Variants in TMCC3 observed in about 807,000 individuals in gnomAD.
TMCC3 encodes transmembrane and coiled-coil domain protein 3.
TMCC3 carries 28 observed loss-of-function variants against 40.2 expected under a neutral mutation model. That is an observed-to-expected ratio of 0.70 (90% CI 0.52 to 0.95). TMCC3 has a LOEUF of 0.95. Ranked by LOEUF, TMCC3 falls within the 40% of genes least tolerant of loss-of-function variation. TMCC3 has a pLI of 0.00. For synonymous variants in TMCC3, 255 were observed against 248.5 expected (o/e 1.03, Z -0.25); for missense variants, 554 against 615.2 (o/e 0.90, Z 1.05).
rs753311029 is a variant in TMCC3, at chr12:94,650,376, G to C, written c.55C>G (p.Arg19Gly). The C allele has an allele frequency of 7.4e-7, 1 of 1,342,470 alleles. No homozygotes were observed. The highest frequency in any genetic ancestry group is 9.6e-7 in the Non-Finnish European group (1 of 1,040,268). 83.2% of individuals were successfully genotyped at this position (1,342,470 alleles called of 1,614,324 possible). A position where few individuals can be genotyped will look rare whatever the true frequency, so the allele number is the denominator to read the frequency against. ...ACCCGGCTCTTGCAGCGGTGGTGCC[G>C]GCCGGGGTACGAGTAGGTCCGGTCC... Reference protein sequence around the residue: ...TVDRTYSYPGRHHRCKSRVER... With the variant: ...TVDRTYSYPGGHHRCKSRVER... Residue 19 changes from arginine to glycine, a missense_variant, in exon 1 of 4, where the codon CGG becomes GGG. By Grantham distance (125) the Arg-to-Gly change is moderately radical (BLOSUM62 -2). Coordinates refer to ENST00000261226, the MANE Select transcript of TMCC3 (RefSeq NM_020698.4).
At chr12:94,608,324 CT>C (rs1180565689) in intron 1 of TMCC3, among the ~76,000 whole-genome samples, 1 of 152,178 alleles carries the variant, frequency 6.6e-6, no homozygotes, top group African/African-American at 2.4e-5. Flanking sequence ...TCCAACTGTT[CT>C]TGTTCCCACC....
At chr12:94,601,784 G>GGGTGAC (rs1192294373) in intron 1 of TMCC3, among the ~76,000 whole-genome samples, 1 of 137,258 alleles carries the variant, frequency 7.3e-6, no homozygotes, top group Non-Finnish European at 1.5e-5. Context: ...ACTCCAGCCT[G>GGGTGAC]GGTGACAGAG....
At chr12:94,631,057 C>A (rs1164474534) in intron 1 of TMCC3, among the ~76,000 whole-genome samples, 1 of 152,150 alleles carries the variant, frequency 6.6e-6, no homozygotes, top group Admixed American at 6.5e-5. Context: ...TGTTTTCAAT[C>A]AACATAAAAG....
In TMCC3 at chr12:94,571,561, G is replaced by A. The variant is rs1389341567; in HGVS notation, c.1308C>T (p.Val436=). ...GGCAGCGACTCTTCATCATGGGTGA[G>A]ACGAACTTCGCGATGGTGGACACAC... ...LVCVSTIAKF[V]SPMMKSRCHI... is the part of the protein sequence containing the mutation. The change falls in exon 4 of 4, where the codon GTC becomes GTT. Residue 436 remains valine, a synonymous_variant. Transcript: ENST00000261226. The A allele has an allele frequency of 1.2e-6, 2 of 1,614,072 alleles. No homozygotes were observed. The highest frequency in any genetic ancestry group is 2.7e-5 in the African/African-American group (2 of 74,922).
Position 94,606,511 on chromosome 12 carries a change from T to TTC in TMCC3, c.79-23974_79-23973insGA, listed in dbSNP as rs368320443. 1.2e-3 allele frequency among the ~76,000 whole-genome samples: 177 copies of TTC among 152,052 alleles called. 1 individual carries two copies. The highest frequency in any genetic ancestry group is 4.1e-3 in the African/African-American group (168 of 41,478). On this transcript the variant is annotated intron_variant, in intron 1 of 3. Coordinates refer to ENST00000261226, the MANE Select transcript of TMCC3 (RefSeq NM_020698.4). ...CCTCCTGAGTATGTGGGACTACAGG[T>TTC]GTACACCACCATGCCTGGCTAATTT...
chr12:94,643,282 G>A (rs2069001043), intron 1 of TMCC3, among the ~76,000 whole-genome samples: 1 of 152,150 alleles, frequency 6.6e-6, no homozygotes, highest in African/African-American at 2.4e-5. Flanking sequence ...TGTTCTGCAG[G>A]GGACACAAGA....
intron 1 of TMCC3, 136 bp downstream of exon 1, chr12:94,650,217 A>T: frequency 2.5e-6 from 1 of 401,828 alleles, no homozygotes; most frequent in Non-Finnish European, 3.9e-6. Context: ...AGGATCGGGG[A>T]GGCACGGACC....
intron 1 of TMCC3, among the ~76,000 whole-genome samples, chr12:94,585,604 G>C (rs925755918): frequency 1.3e-5 from 2 of 152,176 alleles, no homozygotes; most frequent in Non-Finnish European, 2.9e-5. Context: ...GGCTGAGGCA[G>C]GAGAACTGCT....
At chr12:94,588,892 C>T (rs371913545) in intron 1 of TMCC3, among the ~76,000 whole-genome samples, 49 of 151,116 alleles carry the variant, frequency 3.2e-4, no homozygotes, top group Middle Eastern at 3.4e-3. Context: ...GGTGCAATCT[C>T]GGCTCACTGC....
intron 1 of TMCC3, among the ~76,000 whole-genome samples, chr12:94,611,657 G>C (rs2138859868): frequency 6.6e-6 from 1 of 152,090 alleles, no homozygotes; most frequent in Non-Finnish European, 1.5e-5. Context: ...TGTAGTATTT[G>C]CATATAATCT....
intron 1 of TMCC3, chr12:94,598,552 T>TA (rs2068731966): frequency 1.0e-6 from 1 of 983,670 alleles, no homozygotes; most frequent in African/African-American, 1.7e-5. Flanking sequence ...AATCCCAAGA[T>TA]ACCTTGCATA....
At position 94,582,481 on chromosome 12, in the gene TMCC3, A is replaced by AC. The variant is rs1322467364; in HGVS notation, c.135dup (p.Ser46ValfsTer8). ...ACATCAAAGTTGAGGTTGGTGTCTG[A>AC]CCCCCCTCGGCGTATGTTCAGGGGC... On this transcript the variant is annotated frameshift_variant, in exon 2 of 4. Coordinates refer to ENST00000261226, the MANE Select transcript of TMCC3 (RefSeq NM_020698.4). LOFTEE classifies it high-confidence loss of function. The AC allele has an allele frequency of 1.2e-6, 2 of 1,612,582 alleles. No individual in the cohort carries two copies. Among genetic ancestry groups the AC allele is most frequent in the South Asian group, 2.2e-5 (2 of 90,994 alleles).
rs2068509951 is a variant in TMCC3, at chr12:94,568,816, T to G, written c.*2619A>C. ...AGTGAAAACAAGGTTATTTGACATT[T>G]AGTGAGAGTCAATGAAAATATGAAT... On this transcript the variant is annotated 3_prime_UTR_variant, in exon 4 of 4. Coordinates refer to ENST00000261226, the MANE Select transcript of TMCC3 (RefSeq NM_020698.4). 6.6e-6 allele frequency: 1 copy of G among 151,740 alleles called. No homozygotes were observed. Among genetic ancestry groups the G allele is most frequent in the Admixed American group, 6.6e-5 (1 of 15,266 alleles). The allele number at this position is 151,740 out of a possible 1,614,324, so 9.4% of individuals were successfully genotyped here. A position where few individuals can be genotyped will look rare whatever the true frequency, so the allele number is the denominator to read the frequency against.
At chr12:94,597,132 T>A (rs1044524205) in intron 1 of TMCC3, among the ~76,000 whole-genome samples, 92 of 10,152 alleles carry the variant, frequency 9.1e-3, no homozygotes, top group Middle Eastern at 0.12. Context: ...TACATATATA[T>A]ATATATATAT....
At chr12:94,649,892 C>T (rs535209702) in intron 1 of TMCC3, among the ~76,000 whole-genome samples, 200 of 151,876 alleles carry the variant, frequency 1.3e-3, no homozygotes, top group African/African-American at 4.5e-3. Context: ...GCACCGCGCT[C>T]GGGTTCCGGC....
chr12:94,603,142 T>A (rs2068762555), intron 1 of TMCC3, among the ~76,000 whole-genome samples: 1 of 152,234 alleles, frequency 6.6e-6, no homozygotes. Flanking sequence ...TGGAGTGCAG[T>A]GGCGCAATCT....
rs543795405 is a variant in TMCC3 at position 94,578,487 on chromosome 12, C to T, written c.1038G>A (p.Leu346=). The change falls in exon 3 of 4, where the codon CTG becomes CTA. Residue 346 remains leucine, a synonymous_variant. Coordinates refer to ENST00000261226, the MANE Select transcript of TMCC3 (RefSeq NM_020698.4). ...TCAGGTTGGCTGTCTCATGCTGATG[C>T]AGGTCCGTCAGGTCATGCAGCTGGT... ...LEDQLHDLTD[L]HQHETANLKQ... The T allele has an allele frequency of 8.9e-5, 143 of 1,614,156 alleles. 2 individuals carry two copies. The South Asian group carries it at 1.5e-3, about 17-fold the overall frequency.
intron 1 of TMCC3, among the ~76,000 whole-genome samples, chr12:94,619,862 C>T (rs933020730): frequency 1.3e-5 from 2 of 152,120 alleles, no homozygotes; most frequent in African/African-American, 4.8e-5. Context: ...TGTAAAGACA[C>T]ATAAGAAACA....
intron 1 of TMCC3, among the ~76,000 whole-genome samples, chr12:94,599,946 G>A (rs1231055530): frequency 3.9e-5 from 6 of 152,220 alleles, no homozygotes; most frequent in South Asian, 4.1e-4. Flanking sequence ...CCCCAGCTAC[G>A]CAGGAAGCTG....
Sources: gnomAD v4.1 joint callset for allele counts (sites outside exome capture counted in the v4.1 genomes callset) on GRCh38, gnomAD v4.1.1 for gene constraint, MANE v1.5 for transcripts, NCBI Gene and HGNC (gene_info 2026-07-23, HGNC 2026-07-21) for gene names.